Variants in AGBL1 observed in about 807,000 individuals in gnomAD.
AGBL1 encodes the protein cytosolic carboxypeptidase 4.
In AGBL1, 130 loss-of-function variants were observed where a neutral mutation model predicts 118.9. That is an observed-to-expected ratio of 1.09 (90% CI 0.95 to 1.26). The LOEUF is 1.26. AGBL1 is among the 50% of genes most tolerant of loss of function. The probability of loss-of-function intolerance (pLI) is 0.00; values close to 1 mark genes in which losing one functional copy is unlikely to be tolerated. For missense variants in AGBL1, 1,584 were observed against 1,298.1 expected (o/e 1.22, Z -3.38); for synonymous variants, 555 against 478.9 (o/e 1.16, Z -2.08).
chr15:86,547,282 C>T (rs2083596295), intron 20 of AGBL1, among the ~76,000 whole-genome samples: 1 of 152,118 alleles, frequency 6.6e-6, no homozygotes, highest in African/African-American at 2.4e-5. Flanking sequence ...ATAAAATGAT[C>T]TCTTATATGT....
At chr15:86,998,676 G>C (rs959210870) in intron 24 of AGBL1, among the ~76,000 whole-genome samples, 21 of 152,136 alleles carry the variant, frequency 1.4e-4, no homozygotes, top group Non-Finnish European at 4.4e-5. Flanking sequence ...ACAAGGGAAT[G>C]GGCAGCTGAT....
At chr15:86,229,720 T>C (rs1329216501) in intron 6 of AGBL1, among the ~76,000 whole-genome samples, 1 of 152,192 alleles carries the variant, frequency 6.6e-6, no homozygotes, top group Non-Finnish European at 1.5e-5. Context: ...AATGCATTTT[T>C]GAAAAATTGT....
At chr15:86,139,518 C>T (rs959877430) in intron 1 of AGBL1, among the ~76,000 whole-genome samples, 1 of 152,064 alleles carries the variant, frequency 6.6e-6, no homozygotes, top group Admixed American at 6.5e-5. Context: ...TGTGGTGGCT[C>T]ATGCCTGTAA....
At chr15:86,376,492 C>T (rs1328884078) in intron 17 of AGBL1, among the ~76,000 whole-genome samples, 1 of 152,214 alleles carries the variant, frequency 6.6e-6, no homozygotes, top group South Asian at 2.1e-4. Flanking sequence ...AGAGATTCTG[C>T]TCCTTTTCTT....
chr15:86,871,247 A>T (rs887621326), intron 22 of AGBL1, among the ~76,000 whole-genome samples: 4 of 152,182 alleles, frequency 2.6e-5, no homozygotes, highest in Non-Finnish European at 4.4e-5. Flanking sequence ...TCCATCTGTC[A>T]GATATGGGGC....
At chr15:86,111,810 G>A (rs1178625948) in intron 1 of AGBL1, among the ~76,000 whole-genome samples, 3 of 152,218 alleles carry the variant, frequency 2.0e-5, no homozygotes, top group African/African-American at 7.2e-5. Context: ...AGGCCACACA[G>A]CAGGAGGTGA....
chr15:86,399,372 A>G (rs922004446), intron 18 of AGBL1, among the ~76,000 whole-genome samples: 5 of 152,136 alleles, frequency 3.3e-5, no homozygotes, highest in Non-Finnish European at 7.4e-5. Context: ...ATCTTGAGGG[A>G]CATGATCCCA....
chr15:86,758,966 C>CAAAAAAAAAAAAAAAAA (rs80297816), intron 22 of AGBL1, among the ~76,000 whole-genome samples: 2 of 80,898 alleles, frequency 2.5e-5, no homozygotes, highest in Admixed American at 1.4e-4. Flanking sequence ...GACACCCTGT[C>CAAAAAAAAAAAAAAAAA]AAAAAAAAAA....
At chr15:86,659,577 A>G (rs1306098808) in intron 21 of AGBL1, among the ~76,000 whole-genome samples, 5 of 152,058 alleles carry the variant, frequency 3.3e-5, no homozygotes, top group Non-Finnish European at 7.4e-5. Context: ...TTTAATTTCC[A>G]AGTCTCTTTC....
intron 23 of AGBL1, among the ~76,000 whole-genome samples, chr15:86,927,556 C>T (rs1234063945): frequency 6.6e-6 from 1 of 152,100 alleles, no homozygotes; most frequent in Non-Finnish European, 1.5e-5. Context: ...TACTGCACTC[C>T]AACCTGGGTG....
chr15:86,807,820 C>T (rs1362351359), intron 22 of AGBL1, among the ~76,000 whole-genome samples: 1 of 152,042 alleles, frequency 6.6e-6, no homozygotes, highest in East Asian at 1.9e-4. Context: ...CTTTTGTTAT[C>T]AAATAAAAAA....
chr15:86,772,577 G>T (rs2078196865), intron 22 of AGBL1, among the ~76,000 whole-genome samples: 2 of 151,994 alleles, frequency 1.3e-5, no homozygotes, highest in African/African-American at 2.4e-5. Flanking sequence ...AGAGTCAAAG[G>T]TTAAGAGTGA....
intron 23 of AGBL1, among the ~76,000 whole-genome samples, chr15:86,979,395 T>G (rs964705414): frequency 6.6e-6 from 1 of 152,220 alleles, no homozygotes; most frequent in Non-Finnish European, 1.5e-5. Flanking sequence ...CTATATCTAA[T>G]ACATGATACA....
chr15:86,405,240 G>A (rs922176317), intron 18 of AGBL1, among the ~76,000 whole-genome samples: 3 of 151,690 alleles, frequency 2.0e-5, no homozygotes, highest in East Asian at 1.9e-4. Context: ...GGCCGGGCGC[G>A]GTGGCTCATG....
intron 22 of AGBL1, among the ~76,000 whole-genome samples, chr15:86,783,242 C>T (rs1262291285): frequency 1.3e-5 from 2 of 152,182 alleles, no homozygotes; most frequent in African/African-American, 2.4e-5. Flanking sequence ...TCTTCTACCA[C>T]GAGTCCTAAG....
chr15:86,194,725 C>T (rs1292828325), intron 5 of AGBL1, among the ~76,000 whole-genome samples: 1 of 152,164 alleles, frequency 6.6e-6, no homozygotes, highest in East Asian at 1.9e-4. Context: ...TGGGCCAGTA[C>T]TCAGGCACAG....
chr15:86,925,765 C>G (rs1319216766), intron 23 of AGBL1, among the ~76,000 whole-genome samples: 1 of 140,150 alleles, frequency 7.1e-6, no homozygotes, highest in African/African-American at 2.7e-5. Context: ...GAGTCTCACT[C>G]TGTCACCCAG....
At chr15:86,247,601 C>A in intron 6 of AGBL1, 70 bp from the exon 7 acceptor site, 1 of 1,416,984 alleles carries the variant, frequency 7.1e-7, no homozygotes, top group Non-Finnish European at 9.8e-7. Context: ...GGGAAATACA[C>A]TGGAACATTC....
chr15:86,593,430 C>T (rs1336231749), intron 21 of AGBL1, among the ~76,000 whole-genome samples: 4 of 151,926 alleles, frequency 2.6e-5, no homozygotes, highest in Non-Finnish European at 5.9e-5. Context: ...ACCATGAGAG[C>T]ATATGGATAT....
Sources: allele counts gnomAD v4.1 joint callset (sites outside exome capture counted in the v4.1 genomes callset), GRCh38; gene constraint gnomAD v4.1.1; transcripts MANE v1.5; gene names NCBI Gene and HGNC (gene_info 2026-07-23, HGNC 2026-07-21).